Variants in CDH18 observed in about 807,000 individuals in gnomAD.
CDH18 encodes cadherin-18.
CDH18 carries 31 observed loss-of-function variants against 67.9 expected under a neutral mutation model. The ratio of observed to expected loss-of-function variants is 0.46; its 90% CI spans 0.34 to 0.62. CDH18 has a LOEUF of 0.62. Among genes scored for constraint, CDH18 ranks in the 20% least tolerant of loss-of-function variants. CDH18 has a pLI of 0.01. For missense variants in CDH18, 890 were observed against 975.5 expected (o/e 0.91, Z 1.17); for synonymous variants, 362 against 347.2 (o/e 1.04, Z -0.48).
intron 1 of CDH18, among the ~76,000 whole-genome samples, chr5:20,444,545 C>A (rs1749860653): frequency 6.6e-6 from 1 of 151,970 alleles, no homozygotes; most frequent in Admixed American, 6.6e-5. Flanking sequence ...TCAAAACAAA[C>A]AAAACAAAAC....
In CDH18 at chr5:20,506,135, T is replaced by C. The variant is rs187779571; in HGVS notation, c.-580+69327A>G. 2.6e-5 allele frequency among the ~76,000 whole-genome samples: 4 copies of C among 152,354 alleles called. No individual in the cohort carries two copies. The East Asian group carries it at 5.8e-4, about 22-fold the overall frequency. On this transcript the variant is annotated intron_variant, in intron 1 of 14. Coordinates refer to the CDH18 transcript ENST00000507958. ...CACTAAATGTAAGAGATTGTTGAGA[T>C]GCTGGGATCCTCACCTAATTCTGAC...
intron 1 of CDH18, among the ~76,000 whole-genome samples, chr5:20,410,366 G>T (rs532876475): frequency 3.2e-4 from 48 of 151,738 alleles, no homozygotes; most frequent in African/African-American, 1.1e-3. Context: ...CTACATTAAC[G>T]AAATAAAAAC....
chr5:20,504,955 G>C (rs1215467776), intron 1 of CDH18, among the ~76,000 whole-genome samples: 1 of 151,858 alleles, frequency 6.6e-6, no homozygotes, highest in Non-Finnish European at 1.5e-5. Context: ...ATTTAGTAGA[G>C]ACGGGGTTTC....
chr5:19,778,209 C>T (rs1474935943), intron 3 of CDH18, among the ~76,000 whole-genome samples: 1 of 152,110 alleles, frequency 6.6e-6, no homozygotes, highest in African/African-American at 2.4e-5. Flanking sequence ...TGAAAAAGGG[C>T]ATCTATGAAA....
At chr5:19,793,774 G>C (rs1031408886) in intron 3 of CDH18, among the ~76,000 whole-genome samples, 3 of 152,044 alleles carry the variant, frequency 2.0e-5, no homozygotes, top group Admixed American at 6.6e-5. Flanking sequence ...GAGGATCTGA[G>C]AATAAGGGGT....
chr5:19,980,358 ACAT>A (rs1269190842), intron 2 of CDH18, among the ~76,000 whole-genome samples: 1 of 152,202 alleles, frequency 6.6e-6, no homozygotes, highest in Admixed American at 6.5e-5. Context: ...ATAAATACAT[ACAT>A]CAGAAAAAGT....
chr5:19,814,720 TAAA>T (rs1779109089), intron 3 of CDH18, among the ~76,000 whole-genome samples: 1 of 151,960 alleles, frequency 6.6e-6, no homozygotes, highest in African/African-American at 2.4e-5. Flanking sequence ...TTTATTCTGA[TAAA>T]AATGTATTAA....
chr5:19,956,193 T>C (rs960980106), intron 2 of CDH18, among the ~76,000 whole-genome samples: 3 of 152,022 alleles, frequency 2.0e-5, no homozygotes, highest in African/African-American at 7.2e-5. Context: ...ACGGAGAATG[T>C]TTCTGCAGTT....
In CDH18 at chr5:19,656,042, G is replaced by T. The variant is rs138799603; in HGVS notation, c.644-43441C>A. Among the ~76,000 whole-genome samples the T allele has an allele frequency of 8.5e-5, 12 of 141,038 alleles. No individual in the cohort carries two copies. In the East Asian group the frequency reaches 2.2e-3, roughly 26 times the overall value. 92.5% of individuals were successfully genotyped at this position (141,038 alleles called of 152,430 possible). The stretch of plus-strand genomic sequence containing the variant: ...GACTTCTCTTGCCACACTAATGTAA[G>T]GTCCTTAGTAATTGAAATTCTGGCT... On this transcript the variant is annotated intron_variant, in intron 5 of 12. Transcript: ENST00000382275.
At chr5:19,477,030 C>A (rs1027490473) in intron 12 of CDH18, among the ~76,000 whole-genome samples, 9 of 151,024 alleles carry the variant, frequency 6.0e-5, no homozygotes, top group African/African-American at 2.2e-4. Context: ...TTTACATCTA[C>A]CTTTTCCCCA....
chr5:20,491,101 TTAAA>T (rs1285928654), intron 1 of CDH18, among the ~76,000 whole-genome samples: 2 of 151,938 alleles, frequency 1.3e-5, no homozygotes. Context: ...TTTTTAGTTT[TTAAA>T]TATTTTTACA....
intron 1 of CDH18, among the ~76,000 whole-genome samples, chr5:20,389,325 T>C (rs1744610694): frequency 6.6e-6 from 1 of 152,192 alleles, no homozygotes; most frequent in Admixed American, 6.6e-5. Context: ...TTTGTCTCTT[T>C]TGATCTTTGT....
chr5:20,063,514 A>C (rs2150512684), intron 2 of CDH18, among the ~76,000 whole-genome samples: 1 of 152,264 alleles, frequency 6.6e-6, no homozygotes, highest in African/African-American at 2.4e-5. Flanking sequence ...CACAGTAGAA[A>C]AAAAATTTGC....
At chr5:20,380,389 A>G (rs1170813872) in intron 1 of CDH18, among the ~76,000 whole-genome samples, 2 of 152,178 alleles carry the variant, frequency 1.3e-5, no homozygotes, top group African/African-American at 4.8e-5. Flanking sequence ...TTTGCTTTCT[A>G]AAAAATACTT....
chr5:20,386,245 A>G (rs1414670728), intron 1 of CDH18, among the ~76,000 whole-genome samples: 1 of 152,156 alleles, frequency 6.6e-6, no homozygotes, highest in Non-Finnish European at 1.5e-5. Flanking sequence ...AATTCTTCTC[A>G]GCCATGCTGT....
At chr5:19,887,635 C>CAT (rs980008586) in intron 2 of CDH18, among the ~76,000 whole-genome samples, 1 of 151,652 alleles carries the variant, frequency 6.6e-6, no homozygotes, top group Non-Finnish European at 1.5e-5. Flanking sequence ...GTGGCATGAT[C>CAT]ATATTTCACT....
intron 1 of CDH18, among the ~76,000 whole-genome samples, chr5:20,377,553 A>T (rs1290045528): frequency 6.6e-6 from 1 of 152,204 alleles, no homozygotes; most frequent in Non-Finnish European, 1.5e-5. Context: ...CGTTAAATAA[A>T]TGTCATCATT....
At chr5:20,138,355 A>G (rs559326592) in intron 2 of CDH18, among the ~76,000 whole-genome samples, 1 of 152,164 alleles carries the variant, frequency 6.6e-6, no homozygotes, top group African/African-American at 2.4e-5. Flanking sequence ...CACAGCCAAT[A>G]TCATACTGAA....
At chr5:20,008,470 T>C (rs140992070) in intron 2 of CDH18, among the ~76,000 whole-genome samples, 1 of 152,184 alleles carries the variant, frequency 6.6e-6, no homozygotes, top group Non-Finnish European at 1.5e-5. Context: ...ACAGAGCATG[T>C]TATGGGCAAT....
Sources: gnomAD v4.1 joint callset for allele counts (sites outside exome capture counted in the v4.1 genomes callset) on GRCh38, gnomAD v4.1.1 for gene constraint, MANE v1.5 for transcripts, NCBI Gene and HGNC (gene_info 2026-07-23, HGNC 2026-07-21) for gene names.